RANBP2: variants seen among roughly 807,000 people sequenced by gnomAD.
RANBP2 encodes RAN binding protein 2.
In RANBP2, 57 loss-of-function variants were observed where a neutral mutation model predicts 303.6. The ratio of observed to expected loss-of-function variants is 0.19; its 90% CI spans 0.15 to 0.23. The LOEUF (loss-of-function observed/expected upper bound fraction) is 0.23, where lower values mean the gene tolerates loss of function less well. Among genes scored for constraint, RANBP2 ranks in the 10% least tolerant of loss-of-function variants. The pLI, the probability that RANBP2 is intolerant of heterozygous loss-of-function variation, is 1.00. For missense variants in RANBP2, 3,138 were observed against 3,780.8 expected, an observed-to-expected ratio of 0.83 and a Z score of 4.46; for synonymous variants, 1,167 against 1,301.5, an observed-to-expected ratio of 0.90 and a Z score of 2.23.
chr2:109,362,386 A>G, the RANBP2 span, among the ~76,000 whole-genome samples: 1 of 152,170 alleles, frequency 6.6e-6, no homozygotes, highest in Non-Finnish European at 1.5e-5. Context: ...CTATCTTTCT[A>G]TTATGGATGT....
chr2:108,835,286 A>G, the RANBP2 span, among the ~76,000 whole-genome samples: 1 of 152,220 alleles, frequency 6.6e-6, no homozygotes, highest in Non-Finnish European at 1.5e-5. Context: ...AGCAAAAGGT[A>G]ATTTCCAAAA....
the RANBP2 span, among the ~76,000 whole-genome samples, chr2:109,520,868 G>A: frequency 9.5e-6 from 1 of 105,644 alleles, no homozygotes; most frequent in African/African-American, 2.8e-5. Flanking sequence ...GAAGGCGGAC[G>A]TCACAGTGAG....
At chr2:109,240,900 G>C in the RANBP2 span, among the ~76,000 whole-genome samples, 2 of 126,146 alleles carry the variant, frequency 1.6e-5, no homozygotes, top group African/African-American at 6.3e-5. Context: ...CTGTCTCTCT[G>C]TCTTGCTCCC....
chr2:108,913,245 G>A, the RANBP2 span, among the ~76,000 whole-genome samples: 90,255 of 152,004 alleles, frequency 0.59, 31,231 homozygotes, highest in East Asian at 0.89. Flanking sequence ...CACCGCGCCC[G>A]GCTGGTTATT....
chr2:109,295,644 C>A, the RANBP2 span, among the ~76,000 whole-genome samples: 1 of 151,916 alleles, frequency 6.6e-6, no homozygotes, highest in African/African-American at 2.4e-5. Flanking sequence ...CTCACTGCAG[C>A]CCCACAGGAC....
chr2:109,005,965 A>G, the RANBP2 span, among the ~76,000 whole-genome samples: 1 of 152,076 alleles, frequency 6.6e-6, no homozygotes, highest in African/African-American at 2.4e-5. Context: ...TGAAAAGAGG[A>G]GAGGAAGCAC....
intron 3 of RANBP2, 53 bp from the exon 4 acceptor site, chr2:108,731,269 A>G (rs1695147097): frequency 6.3e-7 from 1 of 1,586,924 alleles, no homozygotes. Context: ...ATATACTCCT[A>G]CATACATACA....
In RANBP2 at chr2:108,735,851, T is replaced by C. The variant is rs1304474023; in HGVS notation, c.636+89T>C. ...TAAAGCAGCAGTGCCCCGCAGGACT[T>C]AAAATTTCTTTTATTTATGTAGAAC... is the stretch of plus-strand genomic sequence containing the variant. On this transcript the variant is annotated intron_variant, in intron 5 of 28. Coordinates refer to ENST00000283195, the MANE Select transcript of RANBP2 (RefSeq NM_006267.5). 36 of 1,592,728 alleles carry C rather than the reference T, an allele frequency of 2.3e-5. No individual in the cohort carries two copies. The South Asian group carries it at 2.8e-4, about 12-fold the overall frequency.
the RANBP2 span, among the ~76,000 whole-genome samples, chr2:109,387,098 G>A: frequency 2.0e-5 from 3 of 152,076 alleles, no homozygotes; most frequent in Non-Finnish European, 4.4e-5. Flanking sequence ...GAAAGAACGA[G>A]GTGAAACGTT....
At chr2:108,968,707 C>A in the RANBP2 span, among the ~76,000 whole-genome samples, 1 of 152,166 alleles carries the variant, frequency 6.6e-6, no homozygotes, top group Non-Finnish European at 1.5e-5. Flanking sequence ...CTCTGGGTAG[C>A]CCTGGGTTAA....
At chr2:108,827,356 G>A in the RANBP2 span, among the ~76,000 whole-genome samples, 8 of 151,944 alleles carry the variant, frequency 5.3e-5, no homozygotes, top group Admixed American at 5.2e-4. Flanking sequence ...TACAAAGCTA[G>A]TAAAATAAAT....
the RANBP2 span, among the ~76,000 whole-genome samples, chr2:109,571,150 C>T: frequency 7.9e-5 from 12 of 152,268 alleles, no homozygotes; most frequent in African/African-American, 2.2e-4. Flanking sequence ...CTTCGCCTTC[C>T]GCCATGGTTT....
chr2:108,864,292 T>TA, the RANBP2 span, among the ~76,000 whole-genome samples: 3 of 152,150 alleles, frequency 2.0e-5, no homozygotes, highest in Non-Finnish European at 4.4e-5. Context: ...ATTTATTTAT[T>TA]AAAAAAAGAT....
chr2:109,624,085 G>C, the RANBP2 span, among the ~76,000 whole-genome samples: 2 of 152,194 alleles, frequency 1.3e-5, no homozygotes, highest in Admixed American at 6.5e-5. Context: ...TTCAAAAGAG[G>C]CCAAGGGAGC....
chr2:109,153,626 G>A, the RANBP2 span, among the ~76,000 whole-genome samples: 1 of 152,210 alleles, frequency 6.6e-6, no homozygotes. Flanking sequence ...GTGAAAGAGT[G>A]TGGCATAGTA....
the RANBP2 span, among the ~76,000 whole-genome samples, chr2:109,311,917 A>G: frequency 2.0e-5 from 3 of 152,080 alleles, no homozygotes; most frequent in African/African-American, 4.8e-5. Flanking sequence ...ATGCCCTGCC[A>G]GTGGATGAGA....
the RANBP2 span, among the ~76,000 whole-genome samples, chr2:109,236,855 G>A: frequency 6.6e-6 from 1 of 152,170 alleles, no homozygotes; most frequent in East Asian, 1.9e-4. Context: ...TACAGTCTCC[G>A]GCTGTGAAAC....
chr2:109,513,152 C>T, the RANBP2 span, among the ~76,000 whole-genome samples: 2 of 152,198 alleles, frequency 1.3e-5, no homozygotes, highest in Non-Finnish European at 1.5e-5. Flanking sequence ...CGACCTTCCA[C>T]TCCCGTGCCC....
chr2:108,735,439 T>C, intron 4 of RANBP2, 93 bp from the exon 5 acceptor site: 4 of 1,596,078 alleles, frequency 2.5e-6, no homozygotes, highest in Non-Finnish European at 3.4e-6. Flanking sequence ...ATCATAAAAC[T>C]AGACATAGTG....
Sources: allele counts gnomAD v4.1 joint callset (sites outside exome capture counted in the v4.1 genomes callset), GRCh38; gene constraint gnomAD v4.1.1; transcripts MANE v1.5; gene names NCBI Gene and HGNC (gene_info 2026-07-23, HGNC 2026-07-21).